The following NUBPL variants were observed in gnomAD, a reference collection of about 807,000 sequenced individuals.
NUBPL encodes the protein NUBP iron-sulfur cluster assembly factor, mitochondrial, also known as iron-sulfur cluster transfer protein NUBPL.
In NUBPL, 31 loss-of-function variants were observed where a neutral mutation model predicts 45.7. The ratio of observed to expected loss-of-function variants is 0.68; its 90% CI spans 0.51 to 0.92. NUBPL has a LOEUF of 0.92. Among genes scored for constraint, NUBPL ranks in the 40% least tolerant of loss-of-function variants. The pLI is 0.00. For missense variants in NUBPL, 401 were observed against 398.7 expected, an observed-to-expected ratio of 1.01 and a Z score of -0.05; for synonymous variants, 144 against 140.9, an observed-to-expected ratio of 1.02 and a Z score of -0.15.
intron 4 of NUBPL, among the ~76,000 whole-genome samples, chr14:31,645,275 C>T (rs1310731408): frequency 6.6e-6 from 1 of 151,950 alleles, no homozygotes; most frequent in African/African-American, 2.4e-5. Context: ...ACTGTGTTAG[C>T]CAGGATGGTC....
chr14:31,563,546 A>T (rs982191332), intron 2 of NUBPL, among the ~76,000 whole-genome samples: 3 of 152,194 alleles, frequency 2.0e-5, no homozygotes, highest in African/African-American at 7.2e-5. Flanking sequence ...CTGTGAGCAT[A>T]TCTAAGTCTT....
At position 31,701,959 on chromosome 14, in the gene NUBPL, T is replaced by C. The variant is rs181799295; in HGVS notation, c.513+28385T>C. 5.3e-5 allele frequency among the ~76,000 whole-genome samples: 8 copies of C among 152,302 alleles called. No individual in the cohort carries two copies. The East Asian group carries it at 1.5e-3, about 29-fold the overall frequency. On this transcript the variant is annotated intron_variant, in intron 6 of 10. Transcript: ENST00000281081. ...TATGTGAATAGTTTAGGTCAAATAA[T>C]GGTGTTAAAGAGCATAGTCCCCATG...
intron 4 of NUBPL, among the ~76,000 whole-genome samples, chr14:31,629,568 C>T (rs1460260763): frequency 6.6e-5 from 10 of 152,162 alleles, no homozygotes; most frequent in Non-Finnish European, 4.4e-5. Flanking sequence ...CCTCAAGCTA[C>T]TTGTAGCCTG....
chr14:31,648,281 G>C (rs1323980065), intron 4 of NUBPL, among the ~76,000 whole-genome samples: 1 of 152,182 alleles, frequency 6.6e-6, no homozygotes, highest in Non-Finnish European at 1.5e-5. Flanking sequence ...AAAATTAAAA[G>C]TATGTATGAT....
At chr14:31,711,471 G>T (rs1225635883) in intron 6 of NUBPL, among the ~76,000 whole-genome samples, 1 of 152,100 alleles carries the variant, frequency 6.6e-6, no homozygotes, top group Non-Finnish European at 1.5e-5. Context: ...ATAGGTGATA[G>T]TCTTACTGCT....
chr14:31,814,009 C>G lies in NUBPL; in HGVS notation c.608-12620C>G, dbSNP rs796280460. On this transcript the variant is annotated intron_variant, in intron 7 of 10. Transcript: ENST00000281081. Reference sequence around the variant, plus strand: ...GCAATAAGCATACGTGTGCATGTGTCTTTATAGTAGAATGATTTATAATCC... The same window carrying G: ...GCAATAAGCATACGTGTGCATGTGTGTTTATAGTAGAATGATTTATAATCC... Among the ~76,000 whole-genome samples, 4 of 152,298 alleles carry G rather than the reference C, an allele frequency of 2.6e-5. No individual in the cohort carries two copies. In the East Asian group the frequency reaches 7.7e-4, roughly 29 times the overall value.
intron 6 of NUBPL, among the ~76,000 whole-genome samples, chr14:31,685,933 C>G (rs937323725): frequency 2.0e-5 from 3 of 152,034 alleles, no homozygotes; most frequent in Non-Finnish European, 4.4e-5. Context: ...CCAGGTATGG[C>G]CAAGGAATTC....
chr14:31,684,804 G>A (rs1211887844), intron 6 of NUBPL, among the ~76,000 whole-genome samples: 2 of 152,038 alleles, frequency 1.3e-5, no homozygotes, highest in African/African-American at 2.4e-5. Flanking sequence ...GTTATAATGG[G>A]TATCAACATT....
chr14:31,723,157 A>G (rs113946067), intron 6 of NUBPL, among the ~76,000 whole-genome samples: 4,364 of 152,328 alleles, frequency 0.029, 88 homozygotes, highest in Middle Eastern at 0.051. Context: ...AATCTTCTGC[A>G]TATGGCCAGC....
intron 6 of NUBPL, among the ~76,000 whole-genome samples, chr14:31,758,564 GT>G (rs2038726478): frequency 6.6e-6 from 1 of 152,044 alleles, no homozygotes; most frequent in African/African-American, 2.4e-5. Flanking sequence ...CAGAGATTAA[GT>G]TTTATGTGTG....
At chr14:31,675,102 A>G (rs947618816) in intron 6 of NUBPL, among the ~76,000 whole-genome samples, 2 of 150,976 alleles carry the variant, frequency 1.3e-5, no homozygotes, top group African/African-American at 4.9e-5. Context: ...GTGCCACTGC[A>G]CTCCAGCCTG....
intron 6 of NUBPL, among the ~76,000 whole-genome samples, chr14:31,774,688 C>T (rs2039068074): frequency 6.6e-6 from 1 of 152,186 alleles, no homozygotes; most frequent in South Asian, 2.1e-4. Flanking sequence ...GAGTTATTCT[C>T]AGATTATTAG....
chr14:31,698,510 T>C (rs1041730905), intron 6 of NUBPL, among the ~76,000 whole-genome samples: 1 of 152,184 alleles, frequency 6.6e-6, no homozygotes, highest in African/African-American at 2.4e-5. Flanking sequence ...TCCCAAAGCA[T>C]AACTCTCATG....
chr14:31,685,893 T>G (rs990949933), intron 6 of NUBPL, among the ~76,000 whole-genome samples: 3 of 152,208 alleles, frequency 2.0e-5, no homozygotes, highest in Admixed American at 2.0e-4. Flanking sequence ...TATTCCACTC[T>G]CCCACTTGAA....
intron 4 of NUBPL, among the ~76,000 whole-genome samples, chr14:31,624,675 C>A (rs970217947): frequency 9.9e-5 from 15 of 152,182 alleles, no homozygotes; most frequent in African/African-American, 3.1e-4. Flanking sequence ...AGCAATTCTT[C>A]TGCCTCAGCC....
chr14:31,565,268 A>G (rs186431328), intron 3 of NUBPL, among the ~76,000 whole-genome samples: 2 of 152,276 alleles, frequency 1.3e-5, no homozygotes, highest in East Asian at 3.9e-4. Context: ...ATATCCCACA[A>G]GAGGCTTTGA....
chr14:31,683,598 G>A (rs1412746884), intron 6 of NUBPL, among the ~76,000 whole-genome samples: 1 of 151,942 alleles, frequency 6.6e-6, no homozygotes, highest in Non-Finnish European at 1.5e-5. Context: ...TGATCTGCCC[G>A]CCTCAGCCCC....
chr14:31,645,185 C>A (rs1014411059), intron 4 of NUBPL, among the ~76,000 whole-genome samples: 10 of 151,944 alleles, frequency 6.6e-5, no homozygotes, highest in African/African-American at 2.2e-4. Flanking sequence ...CCTGCCTCAG[C>A]CTCCCGAGTA....
At chr14:31,676,657 C>G (rs1427408060) in intron 6 of NUBPL, among the ~76,000 whole-genome samples, 1 of 151,936 alleles carries the variant, frequency 6.6e-6, no homozygotes, top group Non-Finnish European at 1.5e-5. Context: ...ATTTGTGTTT[C>G]CCTGATGATC....
Sources: gnomAD v4.1 joint callset for allele counts (sites outside exome capture counted in the v4.1 genomes callset) on GRCh38, gnomAD v4.1.1 for gene constraint, MANE v1.5 for transcripts, NCBI Gene and HGNC (gene_info 2026-07-23, HGNC 2026-07-21) for gene names.